The following CCDC77 variants were observed in gnomAD, a reference collection of about 807,000 sequenced individuals.
CCDC77 encodes coiled-coil domain containing 77, also known as coiled-coil domain-containing protein 77.
In CCDC77, 56 loss-of-function variants were observed where a neutral mutation model predicts 66.8. The ratio of observed to expected loss-of-function variants is 0.84; its 90% CI spans 0.68 to 1.05. The LOEUF (loss-of-function observed/expected upper bound fraction) is 1.05. CCDC77 is among the 50% of genes least tolerant of loss of function. CCDC77 has a pLI of 0.00. For synonymous variants in CCDC77, 196 were observed against 195.2 expected, an observed-to-expected ratio of 1.00 and a Z score of -0.03; for missense variants, 570 against 576.8, an observed-to-expected ratio of 0.99 and a Z score of 0.12.
intron 1 of CCDC77, among the ~76,000 whole-genome samples, chr12:404,784 G>C (rs1446993591): frequency 6.7e-6 from 1 of 149,928 alleles, no homozygotes; most frequent in African/African-American, 2.5e-5. Flanking sequence ...GTGTAATGGC[G>C]CGATCTTGGC....
At chr12:428,736 A>G (rs1187829744) in intron 5 of CCDC77, 33 bp from the exon 6 acceptor site, 1 of 1,446,528 alleles carries the variant, frequency 6.9e-7, no homozygotes, top group Non-Finnish European at 9.5e-7. Flanking sequence ...GGGACATTTA[A>G]TAATATGTGC....
At chr12:428,726 G>T in intron 5 of CCDC77, 43 bp from the exon 6 acceptor site, 1 of 1,343,094 alleles carries the variant, frequency 7.4e-7, no homozygotes. Flanking sequence ...TTACTTACTT[G>T]GGACATTTAA....
intron 3 of CCDC77, 52 bp from the exon 4 acceptor site, chr12:411,695 C>T: frequency 1.4e-6 from 2 of 1,422,720 alleles, no homozygotes; most frequent in Non-Finnish European, 1.9e-6. Flanking sequence ...GAAGTTATAA[C>T]TCATAAACTT....
At chr12:410,580 C>T (rs943744734) in intron 3 of CCDC77, among the ~76,000 whole-genome samples, 3 of 149,230 alleles carry the variant, frequency 2.0e-5, no homozygotes, top group Non-Finnish European at 4.4e-5. Context: ...AACTAGGTTC[C>T]GCTATGTTGG....
chr12:400,054 G>A (rs1276154354), upstream of CCDC77, among the ~76,000 whole-genome samples: 1 of 152,182 alleles, frequency 6.6e-6, no homozygotes, highest in Non-Finnish European at 1.5e-5. Context: ...AACTTGCTGC[G>A]GCATCTACAT....
Position 416,373 on chromosome 12 carries a change from GTGTGTATATATATATATATA to G in CCDC77, c.271-2119_271-2100del, listed in dbSNP as rs1378145483. ...TGTGTGTGTGTGTGTGTGTGTGTGT[GTGTGTATATATATATATATA>G]TATATATATATATATATATATATTT... On this transcript the variant is annotated intron_variant, in intron 4 of 12. Transcript: ENST00000239830. Among the ~76,000 whole-genome samples, 9 of 25,290 alleles carry G rather than the reference GTGTGTATATATATATATATA, an allele frequency of 3.6e-4. 1 individual carries two copies. Among genetic ancestry groups the G allele is most frequent in the African/African-American group, 8.3e-4 (5 of 6,000 alleles). The allele number at this position is 25,290 out of a possible 152,430, so 16.6% of individuals were successfully genotyped here. A position where few individuals can be genotyped will look rare whatever the true frequency, so the allele number is the denominator to read the frequency against.
intron 1 of CCDC77, chr12:395,032 G>A (rs537242238): frequency 5.9e-5 from 9 of 152,228 alleles, no homozygotes; most frequent in African/African-American, 2.2e-4. Context: ...AAAGTAAGGG[G>A]GCTTGGGTGA....
chr12:428,475 C>T (rs984598365), intron 5 of CCDC77, among the ~76,000 whole-genome samples: 5 of 132,182 alleles, frequency 3.8e-5, no homozygotes, highest in Non-Finnish European at 7.7e-5. Context: ...CGCACCATTG[C>T]ACTCCAGCCT....
intron 12 of CCDC77, 95 bp downstream of exon 12, chr12:441,091 C>T: frequency 1.6e-6 from 2 of 1,290,038 alleles, no homozygotes; most frequent in Non-Finnish European, 2.2e-6. Context: ...TGTGCTGTTT[C>T]CCTGCTGGTA....
intron 1 of CCDC77, among the ~76,000 whole-genome samples, chr12:390,444 CTT>C (rs1490663025): frequency 6.6e-6 from 1 of 152,174 alleles, no homozygotes; most frequent in Non-Finnish European, 1.5e-5. Flanking sequence ...TTTGTGGTGA[CTT>C]TAGTACACCA....
chr12:423,261 C>CT (rs2137583104), intron 5 of CCDC77, among the ~76,000 whole-genome samples: 1 of 146,580 alleles, frequency 6.8e-6, no homozygotes, highest in East Asian at 2.0e-4. Context: ...GTAGCTGTGA[C>CT]TACATGCATG....
At chr12:431,317 C>T (rs549766494) in intron 7 of CCDC77, among the ~76,000 whole-genome samples, 2 of 149,296 alleles carry the variant, frequency 1.3e-5, no homozygotes, top group Non-Finnish European at 3.0e-5. Context: ...CTCCCAGATT[C>T]AAGCGATTCT....
At chr12:441,730 AT>A (rs1472115431) in intron 12 of CCDC77, 43 bp from the exon 13 acceptor site, 4 of 1,576,136 alleles carry the variant, frequency 2.5e-6, no homozygotes, top group Non-Finnish European at 3.4e-6. Flanking sequence ...CCCCTGGCAT[AT>A]GCCATCATCA....
At chr12:423,518 C>A (rs1203787875) in intron 5 of CCDC77, among the ~76,000 whole-genome samples, 18 of 91,302 alleles carry the variant, frequency 2.0e-4, no homozygotes, top group Non-Finnish European at 6.1e-5. Flanking sequence ...TTTTTTGAGA[C>A]AGGGTCTTGC....
At chr12:427,347 T>C (rs1945554897) in intron 5 of CCDC77, among the ~76,000 whole-genome samples, 1 of 152,122 alleles carries the variant, frequency 6.6e-6, no homozygotes, top group African/African-American at 2.4e-5. Flanking sequence ...TGACTTATCT[T>C]TTATTGTTTG....
intron 4 of CCDC77, among the ~76,000 whole-genome samples, chr12:412,978 G>A (rs1355448995): frequency 4.0e-5 from 6 of 151,154 alleles, no homozygotes; most frequent in Non-Finnish European, 5.9e-5. Flanking sequence ...TCGCTCTGTC[G>A]CCCAGGCTGG....
intron 4 of CCDC77, among the ~76,000 whole-genome samples, chr12:417,798 A>C (rs923460701): frequency 6.6e-6 from 1 of 151,978 alleles, no homozygotes; most frequent in Non-Finnish European, 1.5e-5. Context: ...GCTACTCAGG[A>C]GGCTGAGACA....
intron 6 of CCDC77, among the ~76,000 whole-genome samples, chr12:430,417 G>C (rs988789807): frequency 6.6e-6 from 1 of 152,008 alleles, no homozygotes; most frequent in East Asian, 1.9e-4. Context: ...TTAGCCTCCT[G>C]AGTAGCGGGG....
At chr12:427,176 C>T (rs558666434) in intron 5 of CCDC77, among the ~76,000 whole-genome samples, 63 of 150,800 alleles carry the variant, frequency 4.2e-4, no homozygotes, top group African/African-American at 1.4e-3. Flanking sequence ...ACCCAGGAGG[C>T]GGAGGTTGCG....
Sources: allele counts gnomAD v4.1 joint callset (sites outside exome capture counted in the v4.1 genomes callset), GRCh38; gene constraint gnomAD v4.1.1; transcripts MANE v1.5; gene names NCBI Gene and HGNC (gene_info 2026-07-23, HGNC 2026-07-21).